The following WDR72 variants were observed in gnomAD, a reference collection of about 807,000 sequenced individuals.
WDR72 encodes the protein WD repeat-containing protein 72.
Under a neutral mutation model 124.2 loss-of-function variants are expected in WDR72, and 120 were observed. The observed-to-expected ratio is 0.97, with a 90% CI of 0.83 to 1.12. The LOEUF is 1.12. WDR72 is among the 50% of genes most tolerant of loss of function. The pLI, the probability that WDR72 is intolerant of heterozygous loss-of-function variation, is 0.00. For synonymous variants in WDR72, 452 were observed against 441.7 expected (o/e 1.02, Z -0.29); for missense variants, 1,387 against 1,278.8 (o/e 1.08, Z -1.29).
At chr15:53,708,761 C>T (rs1400016563) in intron 9 of WDR72, among the ~76,000 whole-genome samples, 1 of 152,170 alleles carries the variant, frequency 6.6e-6, no homozygotes, top group East Asian at 1.9e-4. Flanking sequence ...TAGGCTGTTT[C>T]TATCCCAGCT....
chr15:53,554,053 T>A (rs187754457), intron 18 of WDR72, among the ~76,000 whole-genome samples: 304 of 152,266 alleles, frequency 2.0e-3, no homozygotes, highest in Non-Finnish European at 2.8e-3. Flanking sequence ...CTTAATAACA[T>A]GTATAGTGCC....
intron 14 of WDR72, among the ~76,000 whole-genome samples, chr15:53,648,975 A>G (rs1348910332): frequency 1.3e-5 from 2 of 152,088 alleles, no homozygotes; most frequent in Non-Finnish European, 2.9e-5. Context: ...AACCAGTTAT[A>G]ATTTTCAGCA....
intron 1 of WDR72, among the ~76,000 whole-genome samples, chr15:53,754,832 A>T (rs1390334347): frequency 2.0e-5 from 3 of 152,136 alleles, no homozygotes; most frequent in African/African-American, 7.2e-5. Context: ...TATGATGTTA[A>T]TCTCAGCCTG....
chr15:53,550,420 C>T (rs1039624962), intron 18 of WDR72, among the ~76,000 whole-genome samples: 8 of 152,178 alleles, frequency 5.3e-5, no homozygotes, highest in African/African-American at 1.9e-4. Flanking sequence ...GTTAGTGCAT[C>T]AAGCCACCAG....
intron 18 of WDR72, among the ~76,000 whole-genome samples, chr15:53,580,296 C>G (rs948573321): frequency 1.3e-5 from 2 of 152,034 alleles, no homozygotes; most frequent in Non-Finnish European, 2.9e-5. Flanking sequence ...AAGCTTGTCT[C>G]CAAGAACATT....
chr15:53,578,735 CTTA>C (rs1296015791), intron 18 of WDR72, among the ~76,000 whole-genome samples: 2 of 150,234 alleles, frequency 1.3e-5, no homozygotes, highest in Non-Finnish European at 2.9e-5. Context: ...ATAAATAAAA[CTTA>C]AAACAAACAA....
chr15:53,704,884 A>T, intron 11 of WDR72, 104 bp downstream of exon 11: 1 of 1,349,374 alleles, frequency 7.4e-7, no homozygotes. Flanking sequence ...TTTATCAGCA[A>T]ATGCCAGCAA....
In WDR72 at chr15:53,701,708, G is replaced by C. The variant is rs1038238320; in HGVS notation, c.1569+426C>G. Among the ~76,000 whole-genome samples, 2 of 152,000 alleles carry C rather than the reference G, an allele frequency of 1.3e-5. 1 individual carries two copies. Among genetic ancestry groups the C allele is most frequent in the South Asian group, 4.2e-4 (2 of 4,804 alleles). On this transcript the variant is annotated intron_variant, in intron 12 of 19. Coordinates refer to ENST00000360509, the MANE Select transcript of WDR72 (RefSeq NM_182758.4). ...GCATGATCTCAGCTCATTGCAAAAT[G>C]GAAGTTATTGAAGGCAAAAGTTAAT... is the stretch of plus-strand genomic sequence containing the variant.
chr15:53,651,073 A>G (rs2015222240), intron 14 of WDR72, among the ~76,000 whole-genome samples: 1 of 151,826 alleles, frequency 6.6e-6, no homozygotes, highest in Admixed American at 6.6e-5. Flanking sequence ...ACTTTTCAAT[A>G]TTGACTCTTA....
At chr15:53,529,168 T>TTTTTTTTTTTTG (rs1892308622) in intron 18 of WDR72, among the ~76,000 whole-genome samples, 1 of 98,536 alleles carries the variant, frequency 1.0e-5, no homozygotes, top group African/African-American at 4.8e-5. Context: ...ATATATATTT[T>TTTTTTTTTTTTG]TTTTTTTTTT....
chr15:53,533,717 G>A (rs891555596), intron 18 of WDR72, among the ~76,000 whole-genome samples: 2 of 152,096 alleles, frequency 1.3e-5, no homozygotes, highest in African/African-American at 2.4e-5. Flanking sequence ...ACTGTCCCCT[G>A]GATATGCCAT....
intron 14 of WDR72, among the ~76,000 whole-genome samples, chr15:53,641,660 T>G (rs2014855653): frequency 6.6e-6 from 1 of 151,960 alleles, no homozygotes; most frequent in Non-Finnish European, 1.5e-5. Context: ...TTTTAGTAAT[T>G]TTTAGAATAT....
chr15:53,548,916 CA>C (rs1212744506), intron 18 of WDR72, among the ~76,000 whole-genome samples: 2 of 151,922 alleles, frequency 1.3e-5, no homozygotes, highest in Non-Finnish European at 2.9e-5. Flanking sequence ...TATATCAACA[CA>C]GAGAAGACTG....
intron 9 of WDR72, among the ~76,000 whole-genome samples, chr15:53,706,374 A>G (rs1251700584): frequency 1.4e-4 from 14 of 102,830 alleles, no homozygotes; most frequent in South Asian, 9.0e-4. Flanking sequence ...ATATATATAT[A>G]TATATATATA....
intron 5 of WDR72, among the ~76,000 whole-genome samples, 186 bp from the exon 6 acceptor site, chr15:53,714,696 A>G (rs533655080): frequency 6.6e-6 from 1 of 152,342 alleles, no homozygotes; most frequent in East Asian, 1.9e-4. Flanking sequence ...TTAAAATTTC[A>G]AAGTGATTCC....
chr15:53,688,177 A>G (rs1018840093), intron 13 of WDR72, among the ~76,000 whole-genome samples: 1 of 150,538 alleles, frequency 6.6e-6, no homozygotes, highest in Non-Finnish European at 1.5e-5. Flanking sequence ...CTCTCTCACC[A>G]CTCCCATTCA....
intron 18 of WDR72, among the ~76,000 whole-genome samples, chr15:53,574,454 T>C (rs79023289): frequency 1.3e-5 from 2 of 152,298 alleles, no homozygotes; most frequent in Admixed American, 6.5e-5. Flanking sequence ...TTCACCATCA[T>C]TGAACTTATG....
chr15:53,562,278 C>CT (rs1894150722), intron 18 of WDR72, among the ~76,000 whole-genome samples: 2 of 151,864 alleles, frequency 1.3e-5, no homozygotes, highest in African/African-American at 2.4e-5. Flanking sequence ...ATTCTTGCAG[C>CT]TTTTTTCCAA....
At chr15:53,642,891 G>A (rs1192465182) in intron 14 of WDR72, among the ~76,000 whole-genome samples, 1 of 151,920 alleles carries the variant, frequency 6.6e-6, no homozygotes, top group Non-Finnish European at 1.5e-5. Flanking sequence ...TCTGAGGGCT[G>A]TTTACCATTG....
Sources: allele counts gnomAD v4.1 joint callset (sites outside exome capture counted in the v4.1 genomes callset), GRCh38; gene constraint gnomAD v4.1.1; transcripts MANE v1.5; gene names NCBI Gene and HGNC (gene_info 2026-07-23, HGNC 2026-07-21).